PRH1: variants seen among roughly 807,000 people sequenced by gnomAD.
PRH1 encodes the protein proline rich protein HaeIII subfamily 1.
In PRH1, 7 loss-of-function variants were observed where a neutral mutation model predicts 7.9. That is an observed-to-expected ratio of 0.89 (90% CI 0.50 to 1.67). The LOEUF (loss-of-function observed/expected upper bound fraction) is 1.67. PRH1 is among the 40% of genes most tolerant of loss of function. PRH1 has a pLI of 0.00. For synonymous variants in PRH1, 45 were observed against 80.8 expected, an observed-to-expected ratio of 0.56 and a Z score of 2.38; for missense variants, 109 against 223.6, an observed-to-expected ratio of 0.49 and a Z score of 3.27.
intron 1 of PRH1, among the ~76,000 whole-genome samples, chr12:11,035,689 G>A (rs1468586958): frequency 1.3e-5 from 2 of 152,144 alleles, no homozygotes; most frequent in African/African-American, 2.4e-5. Flanking sequence ...CTGCAACTTA[G>A]AAGAAACTGG....
At position 11,090,624 on chromosome 12, in the gene PRH1, A is replaced by G. The variant is rs1189871344; in HGVS notation, n.124-43436T>C. Reference sequence around the variant, plus strand: ...CATATGAAATCTAATATTCCTCAGTACCGCTTATGGTAGACATACATTAAA... The same window carrying G: ...CATATGAAATCTAATATTCCTCAGTGCCGCTTATGGTAGACATACATTAAA... On this transcript the variant is annotated intron_variant and non_coding_transcript_variant, in intron 1 of 4. Transcript: ENST00000541977. Among the ~76,000 whole-genome samples, 2 of 117,810 alleles carry G rather than the reference A, an allele frequency of 1.7e-5. 1 individual carries two copies. The highest frequency in any genetic ancestry group is 4.0e-5 in the Non-Finnish European group (2 of 49,524). 77.3% of individuals were successfully genotyped at this position (117,810 alleles called of 152,430 possible). A position where few individuals can be genotyped will look rare whatever the true frequency, so the allele number is the denominator to read the frequency against.
chr12:11,033,792 G>C lies in PRH1; in HGVS notation c.-126+13228C>G, dbSNP rs541017475. Among the ~76,000 whole-genome samples, 8 of 152,140 alleles carry C rather than the reference G, an allele frequency of 5.3e-5. No individual in the cohort carries two copies. In the South Asian group the frequency reaches 1.7e-3, roughly 32 times the overall value. On this transcript the variant is annotated intron_variant, in intron 1 of 3. Transcript: ENST00000539853. ...AGACGAGTAATAATAATTTCTATGAGATATTTCTCCTAATTACAAATTTGT... is the reference window on the plus strand; with the variant it reads ...AGACGAGTAATAATAATTTCTATGACATATTTCTCCTAATTACAAATTTGT...
chr12:11,043,765 T>C (rs549144539), intron 1 of PRH1, among the ~76,000 whole-genome samples: 1 of 152,148 alleles, frequency 6.6e-6, no homozygotes, highest in African/African-American at 2.4e-5. Context: ...ATGAAAACTA[T>C]AAAACACTAA....
chr12:11,132,224 C>T (rs1946367198), intron 1 of PRH1, among the ~76,000 whole-genome samples: 1 of 36,834 alleles, frequency 2.7e-5, no homozygotes, highest in Non-Finnish European at 9.6e-5. Context: ...AACAAAATTA[C>T]ACTAGGACAA....
chr12:10,896,890 A>T (rs1462046648), intron 2 of PRH1: 1 of 152,166 alleles, frequency 6.6e-6, no homozygotes. Context: ...TTTGTGACTA[A>T]TTCAACTAAT....
At chr12:11,050,412 A>C (rs1443505729), upstream of PRH1, among the ~76,000 whole-genome samples, 1 of 152,180 alleles carries the variant, frequency 6.6e-6, no homozygotes, top group African/African-American at 2.4e-5. Context: ...AATACCCTTA[A>C]GTGGTTTCCT....
chr12:11,101,199 A>T (rs1945235539), intron 1 of PRH1, among the ~76,000 whole-genome samples: 2 of 152,282 alleles, frequency 1.3e-5, no homozygotes, highest in South Asian at 4.1e-4. Context: ...AATTTAAGTA[A>T]TGTTTTGGGC....
At chr12:11,095,663 T>G (rs1262063802) in intron 1 of PRH1, among the ~76,000 whole-genome samples, 1 of 112,330 alleles carries the variant, frequency 8.9e-6, no homozygotes, top group Admixed American at 9.0e-5. Flanking sequence ...CTACAATGAA[T>G]GAAAAAGTTA....
chr12:11,073,821 C>T (rs1284144041), intron 1 of PRH1, among the ~76,000 whole-genome samples: 4 of 152,152 alleles, frequency 2.6e-5, no homozygotes, highest in African/African-American at 9.7e-5. Flanking sequence ...CCATCAAGCC[C>T]GTAGGAGAGG....
At chr12:10,963,556 A>G (rs1486391729) in intron 2 of PRH1, among the ~76,000 whole-genome samples, 1 of 152,192 alleles carries the variant, frequency 6.6e-6, no homozygotes, top group African/African-American at 2.4e-5. Flanking sequence ...CAGTTTAGGA[A>G]AGAAACGGAA....
chr12:11,005,480 A>C (rs992315017), intron 1 of PRH1, among the ~76,000 whole-genome samples: 1 of 152,130 alleles, frequency 6.6e-6, no homozygotes, highest in African/African-American at 2.4e-5. Flanking sequence ...TGATTTTTTA[A>C]ATGTCAGATT....
At chr12:11,071,550 G>C (rs1451218597) in intron 1 of PRH1, among the ~76,000 whole-genome samples, 1 of 152,180 alleles carries the variant, frequency 6.6e-6, no homozygotes, top group East Asian at 1.9e-4. Flanking sequence ...TAGTCCTAAA[G>C]CTAACCTTTC....
intron 2 of PRH1, among the ~76,000 whole-genome samples, chr12:10,959,851 A>G (rs1054463026): frequency 6.6e-6 from 1 of 152,210 alleles, no homozygotes; most frequent in African/African-American, 2.4e-5. Context: ...GATTGATTAA[A>G]GATTGAAGAA....
chr12:11,072,803 G>T, intron 1 of PRH1, among the ~76,000 whole-genome samples: 1 of 120,638 alleles, frequency 8.3e-6, no homozygotes, highest in Non-Finnish European at 2.0e-5. Context: ...TTCACCCACG[G>T]GTGGGTCGGG....
At chr12:11,112,705 G>C (rs1452366728) in intron 1 of PRH1, among the ~76,000 whole-genome samples, 1 of 152,070 alleles carries the variant, frequency 6.6e-6, no homozygotes, top group Non-Finnish European at 1.5e-5. Context: ...TACTGAATGG[G>C]CAAAAACGGG....
intron 1 of PRH1, chr12:11,031,188 C>A (rs1404808670): frequency 6.2e-7 from 1 of 1,614,158 alleles, no homozygotes; most frequent in South Asian, 1.1e-5. Context: ...ACCGCCAGAG[C>A]AGTGAGAATC....
At chr12:11,039,153 G>C (rs1362281057) in intron 1 of PRH1, among the ~76,000 whole-genome samples, 2 of 152,186 alleles carry the variant, frequency 1.3e-5, no homozygotes, top group Non-Finnish European at 2.9e-5. Context: ...ATATATTATT[G>C]TTGTTATTGA....
chr12:11,101,377 C>A (rs933061896), intron 1 of PRH1, among the ~76,000 whole-genome samples: 3 of 152,174 alleles, frequency 2.0e-5, no homozygotes, highest in Non-Finnish European at 4.4e-5. Context: ...GTTGTCCTAG[C>A]TACTCTGGAG....
intron 2 of PRH1, among the ~76,000 whole-genome samples, chr12:10,969,006 T>C (rs2135947061): frequency 6.6e-6 from 1 of 152,342 alleles, no homozygotes; most frequent in East Asian, 1.9e-4. Context: ...CATTCCTGGC[T>C]CCTGAGCTCT....
Sources: allele counts gnomAD v4.1 joint callset (sites outside exome capture counted in the v4.1 genomes callset), GRCh38; gene constraint gnomAD v4.1.1; transcripts MANE v1.5; gene names NCBI Gene and HGNC (gene_info 2026-07-23, HGNC 2026-07-21).